Variants in SLC7A14 observed in about 807,000 individuals in gnomAD.
SLC7A14 encodes solute carrier family 7 member 14.
A neutral mutation model predicts 60.2 loss-of-function variants in SLC7A14; 37 were observed. The observed-to-expected ratio is 0.61, with a 90% CI of 0.47 to 0.81. SLC7A14 has a LOEUF of 0.81. Among genes scored for constraint, SLC7A14 ranks in the 30% least tolerant of loss-of-function variants. The pLI is 0.00. For synonymous variants in SLC7A14, 399 were observed against 395.8 expected, an observed-to-expected ratio of 1.01 and a Z score of -0.10; for missense variants, 886 against 982.7, an observed-to-expected ratio of 0.90 and a Z score of 1.32.
intron 2 of SLC7A14, among the ~76,000 whole-genome samples, chr3:170,508,534 T>A (rs1043306181): frequency 9.2e-5 from 14 of 152,196 alleles, no homozygotes; most frequent in African/African-American, 3.4e-4. Context: ...ATCCATGAAG[T>A]CAATTCTTCC....
intron 7 of SLC7A14, among the ~76,000 whole-genome samples, chr3:170,478,027 T>C (rs2108267336): frequency 6.6e-6 from 1 of 152,246 alleles, no homozygotes; most frequent in Non-Finnish European, 1.5e-5. Flanking sequence ...AGTGGAAAAA[T>C]GTTTAGAGAT....
intron 2 of SLC7A14, among the ~76,000 whole-genome samples, chr3:170,519,999 C>T (rs1251728772): frequency 6.6e-6 from 1 of 152,208 alleles, no homozygotes; most frequent in Non-Finnish European, 1.5e-5. Context: ...ACAAGAGCAG[C>T]CTCTCTCCAG....
intron 1 of SLC7A14, among the ~76,000 whole-genome samples, chr3:170,569,805 T>G (rs28493452): frequency 0.03 from 4,559 of 152,246 alleles, 235 homozygotes; most frequent in African/African-American, 0.1. Flanking sequence ...TGTAGAGGTG[T>G]TTGTAGTATT....
At chr3:170,582,311 CTT>C (rs1404419928) in intron 1 of SLC7A14, among the ~76,000 whole-genome samples, 1 of 152,148 alleles carries the variant, frequency 6.6e-6, no homozygotes, top group East Asian at 1.9e-4. Context: ...TTCAACACAA[CTT>C]TCTTAAATGA....
At chr3:170,518,620 C>G (rs761296985) in intron 2 of SLC7A14, among the ~76,000 whole-genome samples, 1 of 152,216 alleles carries the variant, frequency 6.6e-6, no homozygotes, top group Non-Finnish European at 1.5e-5. Context: ...CTAACCTTCC[C>G]GGCATGGCCT....
chr3:170,558,938 T>C lies in SLC7A14; in HGVS notation c.-153+26973A>G, dbSNP rs1221990169. On this transcript the variant is annotated intron_variant, in intron 1 of 7. Coordinates refer to ENST00000231706, the MANE Select transcript of SLC7A14 (RefSeq NM_020949.3). Reference sequence around the variant, plus strand: ...TGGTATCAATAGTTTTCCTTGTGTGTGGGCCTGTTAAACTGAAGAATGTGA... The same window carrying C: ...TGGTATCAATAGTTTTCCTTGTGTGCGGGCCTGTTAAACTGAAGAATGTGA... Among the ~76,000 whole-genome samples the C allele has an allele frequency of 2.0e-5, 3 of 152,214 alleles. No homozygotes were observed. The East Asian group carries it at 5.8e-4, about 29-fold the overall frequency.
Position 170,466,295 on chromosome 3 carries a change from G to C in SLC7A14, c.*760C>G, listed in dbSNP as rs1163059222. The C allele has an allele frequency of 4.6e-5, 7 of 152,164 alleles. No individual in the cohort carries two copies. Among genetic ancestry groups the C allele is most frequent in the Non-Finnish European group, 7.3e-5 (5 of 68,040 alleles). The allele number at this position is 152,164 out of a possible 1,614,324, so 9.4% of individuals were successfully genotyped here. On this transcript the variant is annotated 3_prime_UTR_variant, in exon 8 of 8. Coordinates refer to ENST00000231706, the MANE Select transcript of SLC7A14 (RefSeq NM_020949.3). ...CCAGGAGCTGCAGTCTGATATAAGAGAGGCCATGACAGAGAGTTAATTTCT... is the reference window on the plus strand; with the variant it reads ...CCAGGAGCTGCAGTCTGATATAAGACAGGCCATGACAGAGAGTTAATTTCT...
In SLC7A14 at chr3:170,585,177, G is replaced by A. The variant is rs1447364770; in HGVS notation, c.-153+734C>T. Among the ~76,000 whole-genome samples, 1 of 152,170 alleles carries A rather than the reference G, an allele frequency of 6.6e-6. No homozygotes were observed. The highest frequency in any genetic ancestry group is 2.4e-5 in the African/African-American group (1 of 41,452). On this transcript the variant is annotated intron_variant, in intron 1 of 7. Transcript: ENST00000231706. This position sits in a 1 kb window ranked among gnomAD's most constrained non-coding sequence, Gnocchi z 5.1. ...TGTGCTTTGGAATGGGAGAAGAGAGGAGACTGAGGGTTGAAGCAGTGCAGG... is the reference window on the plus strand; with the variant it reads ...TGTGCTTTGGAATGGGAGAAGAGAGAAGACTGAGGGTTGAAGCAGTGCAGG...
chr3:170,584,659 C>T (rs867457662), intron 1 of SLC7A14, among the ~76,000 whole-genome samples: 3 of 152,206 alleles, frequency 2.0e-5, no homozygotes, highest in Non-Finnish European at 4.4e-5. Flanking sequence ...TTTCTGCTCG[C>T]AGGGAATGTG....
chr3:170,480,221 T>C, intron 7 of SLC7A14, 68 bp downstream of exon 7: 2 of 1,467,998 alleles, frequency 1.4e-6, no homozygotes, highest in East Asian at 2.4e-5. Flanking sequence ...AGCTAGGAGG[T>C]AATTTTGGGA....
In SLC7A14 at chr3:170,579,940, A is replaced by G. The variant is rs1239252686; in HGVS notation, c.-153+5971T>C. On this transcript the variant is annotated intron_variant, in intron 1 of 7. Transcript: ENST00000231706. ...TTTGTTTTCTGGGTGAAGCAGCAAG[A>G]CACGGTTCTCAGGAGTAGTCTATCT... 4.6e-5 allele frequency among the ~76,000 whole-genome samples: 7 copies of G among 152,244 alleles called. No individual in the cohort carries two copies. The East Asian group carries it at 1.3e-3, about 29-fold the overall frequency.
At position 170,570,698 on chromosome 3, in the gene SLC7A14, T is replaced by C. The variant is rs148619317; in HGVS notation, c.-153+15213A>G. 1.3e-3 allele frequency among the ~76,000 whole-genome samples: 198 copies of C among 152,306 alleles called. 1 individual carries two copies. The highest frequency in any genetic ancestry group is 4.5e-3 in the African/African-American group (186 of 41,580). On this transcript the variant is annotated intron_variant, in intron 1 of 7. Coordinates refer to ENST00000231706, the MANE Select transcript of SLC7A14 (RefSeq NM_020949.3). ...GCCCGGACACTGGTAAAGTATTTCA[T>C]TGTGGGGAATGAGATGCATTTTCAC...
At chr3:170,537,377 C>T (rs935654358) in intron 1 of SLC7A14, among the ~76,000 whole-genome samples, 5 of 152,024 alleles carry the variant, frequency 3.3e-5, no homozygotes, top group Non-Finnish European at 5.9e-5. Context: ...ATTCTCTAAT[C>T]CAGGATAATC....
At chr3:170,481,234 A>G in intron 6 of SLC7A14, 68 bp from the exon 7 acceptor site, 1 of 1,502,546 alleles carries the variant, frequency 6.7e-7, no homozygotes, top group East Asian at 2.4e-5. Context: ...CAGCCAACAT[A>G]GGGAGCTAGA....
intron 2 of SLC7A14, among the ~76,000 whole-genome samples, chr3:170,511,439 C>T (rs1712977099): frequency 6.6e-6 from 1 of 152,094 alleles, no homozygotes; most frequent in Non-Finnish European, 1.5e-5. Flanking sequence ...TTATTGCTCT[C>T]TGTGGTCTGG....
chr3:170,482,277 T>G (rs1298636533), intron 6 of SLC7A14, among the ~76,000 whole-genome samples: 4 of 152,234 alleles, frequency 2.6e-5, no homozygotes, highest in Non-Finnish European at 5.9e-5. Context: ...TGTTAGTTTC[T>G]TTGACAGCAG....
intron 6 of SLC7A14, among the ~76,000 whole-genome samples, chr3:170,481,937 C>T (rs1281246600): frequency 6.6e-6 from 1 of 152,112 alleles, no homozygotes; most frequent in Non-Finnish European, 1.5e-5. Flanking sequence ...TCAGGTTTCA[C>T]CCAATAACTA....
At chr3:170,473,092 C>G (rs1256384102) in intron 7 of SLC7A14, among the ~76,000 whole-genome samples, 1 of 152,186 alleles carries the variant, frequency 6.6e-6, no homozygotes, top group Non-Finnish European at 1.5e-5. Context: ...CTGTTCCTGT[C>G]CCACCCAGGT....
rs970294831 is a variant in SLC7A14, at chr3:170,585,122, C to A, written c.-153+789G>T. Reference sequence around the variant, plus strand: ...ATCCCGCGTGGCCACGCAGCCCTAACCTGGCCCTCTTGGATTAGAGGGGAG... The same window carrying A: ...ATCCCGCGTGGCCACGCAGCCCTAAACTGGCCCTCTTGGATTAGAGGGGAG... On this transcript the variant is annotated intron_variant, in intron 1 of 7. Transcript: ENST00000231706. This position sits in a 1 kb window ranked among gnomAD's most constrained non-coding sequence, Gnocchi z 5.1. 1.3e-5 allele frequency among the ~76,000 whole-genome samples: 2 copies of A among 152,180 alleles called. No homozygotes were observed. The highest frequency in any genetic ancestry group is 2.4e-5 in the African/African-American group (1 of 41,450).
Sources: gnomAD v4.1 joint callset for allele counts (sites outside exome capture counted in the v4.1 genomes callset) on GRCh38, gnomAD v4.1.1 for gene constraint, Gnocchi (gnomAD v3.1) non-coding constraint, MANE v1.5 for transcripts, NCBI Gene and HGNC (gene_info 2026-07-23, HGNC 2026-07-21) for gene names.